AJAP1: variants seen among roughly 807,000 people sequenced by gnomAD.
The protein encoded by AJAP1 is adherens junction-associated protein 1.
A neutral mutation model predicts 35.0 loss-of-function variants in AJAP1; 5 were observed. The observed-to-expected ratio is 0.14, with a 90% confidence interval of 0.07 to 0.30. The LOEUF (loss-of-function observed/expected upper bound fraction) is 0.30. AJAP1 is among the 10% of genes least tolerant of loss of function. AJAP1 has a pLI of 1.00. For missense variants in AJAP1, 586 were observed against 571.0 expected, an observed-to-expected ratio of 1.03 and a Z score of -0.27; for synonymous variants, 284 against 249.3, an observed-to-expected ratio of 1.14 and a Z score of -1.31.
chr1:4,747,412 C>G (rs141268147), intron 2 of AJAP1, among the ~76,000 whole-genome samples: 1 of 152,194 alleles, frequency 6.6e-6, no homozygotes, highest in Admixed American at 6.5e-5. Flanking sequence ...TCTTGCAGAC[C>G]GGGTTGGCCA....
intron 5 of AJAP1, among the ~76,000 whole-genome samples, chr1:4,781,450 C>T (rs959049265): frequency 3.3e-5 from 5 of 152,188 alleles, no homozygotes; most frequent in African/African-American, 1.2e-4. Context: ...CCAACGATGA[C>T]GATGACGGAG....
chr1:4,745,159 C>T (rs1641160751), intron 2 of AJAP1, among the ~76,000 whole-genome samples: 2 of 152,192 alleles, frequency 1.3e-5, no homozygotes, highest in Admixed American at 1.3e-4. Flanking sequence ...TACTAAATAA[C>T]AATGTGCAAT....
chr1:4,712,749 G>C (rs866249572), intron 2 of AJAP1, 50 bp downstream of exon 2: 3 of 1,481,740 alleles, frequency 2.0e-6, no homozygotes, highest in Non-Finnish European at 2.7e-6. Flanking sequence ...TGAGGGCTGG[G>C]AGCGTGACTC....
intron 2 of AJAP1, among the ~76,000 whole-genome samples, chr1:4,737,457 C>CAGTGCA (rs1640954575): frequency 6.6e-6 from 1 of 151,830 alleles, no homozygotes; most frequent in African/African-American, 2.4e-5. Context: ...CAACAGGACG[C>CAGTGCA]AGTGCAAGTG....
chr1:4,739,553 T>A (rs1464942139), intron 2 of AJAP1, among the ~76,000 whole-genome samples: 1 of 152,202 alleles, frequency 6.6e-6, no homozygotes, highest in African/African-American at 2.4e-5. Flanking sequence ...GAGGCAGAGA[T>A]CAATTTGCAT....
chr1:4,741,760 A>T (rs1444387462), intron 2 of AJAP1, among the ~76,000 whole-genome samples: 2 of 152,190 alleles, frequency 1.3e-5, no homozygotes, highest in Non-Finnish European at 2.9e-5. Flanking sequence ...ACCAGGGCTC[A>T]TTGGGTAAAT....
At chr1:4,681,718 A>T (rs1354577255) in intron 1 of AJAP1, among the ~76,000 whole-genome samples, 2 of 152,126 alleles carry the variant, frequency 1.3e-5, no homozygotes, top group African/African-American at 2.4e-5. Flanking sequence ...TGCACCCTGG[A>T]TTTGTCCCCC....
Position 4,712,473 on chromosome 1 carries a change from C to T in AJAP1, c.603C>T (p.Tyr201=), listed in dbSNP as rs779289737. The T allele has an allele frequency of 1.4e-5, 22 of 1,611,258 alleles. No homozygotes were observed. The highest frequency in any genetic ancestry group is 2.7e-5 in the African/African-American group (2 of 74,886). The change falls in exon 2 of 6, where the codon TAC becomes TAT. Residue 201 remains tyrosine (Y), a synonymous_variant. Coordinates refer to ENST00000378191, the MANE Select transcript of AJAP1 (RefSeq NM_018836.4). ...AGTCCAACACATTTCCGGGCGTTTA[C>T]GGCCCCACCACGGTCTCCATCCTAC... The part of the protein sequence containing the change: ...ALESNTFPGV[Y]GPTTVSILQT...
At chr1:4,699,697 T>A (rs1415187154) in intron 1 of AJAP1, among the ~76,000 whole-genome samples, 2 of 152,094 alleles carry the variant, frequency 1.3e-5, no homozygotes, top group Admixed American at 1.3e-4. Context: ...AGAACCAACA[T>A]CTCCCTGCAG....
At chr1:4,779,340 C>CT (rs57812997) in intron 5 of AJAP1, among the ~76,000 whole-genome samples, 3,643 of 144,270 alleles carry the variant, frequency 0.025, 65 homozygotes, top group African/African-American at 0.032. Flanking sequence ...TTTTCTTTTT[C>CT]TTTTTTTTTT....
rs1640588105 is a variant in AJAP1, at chr1:4,723,994, T to A, written c.829+11295T>A. ...CAAGAGGTGTCCAAGAAAAGCCTGG[T>A]TTCCGAATTCTGTGTTTCTCCCCGA... On this transcript the variant is annotated intron_variant, in intron 2 of 5. Coordinates refer to ENST00000378191, the MANE Select transcript of AJAP1 (RefSeq NM_018836.4). The surrounding 1 kb of genome is among the most constrained non-coding windows in gnomAD (Gnocchi z 4.3). Among the ~76,000 whole-genome samples the A allele has an allele frequency of 6.6e-6, 1 of 152,098 alleles. No homozygotes were observed. The highest frequency in any genetic ancestry group is 2.1e-4 in the South Asian group (1 of 4,826).
chr1:4,681,911 C>T (rs776889708), intron 1 of AJAP1, among the ~76,000 whole-genome samples: 1 of 152,212 alleles, frequency 6.6e-6, no homozygotes, highest in Non-Finnish European at 1.5e-5. Flanking sequence ...TCTCTGGAGC[C>T]TGCCAGTTCC....
intron 2 of AJAP1, among the ~76,000 whole-genome samples, chr1:4,730,145 A>G (rs1313383343): frequency 1.3e-5 from 2 of 152,246 alleles, no homozygotes; most frequent in South Asian, 4.1e-4. Flanking sequence ...TGCACCTCGC[A>G]GATTCCACCC....
In AJAP1 at chr1:4,786,231, C is replaced by G. The variant is rs1642159800; in HGVS notation, c.*3746C>G. 1 of 152,286 alleles carries G rather than the reference C, an allele frequency of 6.6e-6. No homozygotes were observed. The highest frequency in any genetic ancestry group is 2.1e-4 in the South Asian group (1 of 4,822). The allele number at this position is 152,286 out of a possible 1,614,324, so 9.4% of individuals were successfully genotyped here. ...TCCTATTTACTGCCCTCCTTGCACA[C>G]AGAAGGGAGAGGCCACTTAGGGGAC... On this transcript the variant is annotated 3_prime_UTR_variant, in exon 6 of 6. Coordinates refer to ENST00000378191, the MANE Select transcript of AJAP1 (RefSeq NM_018836.4).
rs1194251017 is a variant in AJAP1 at position 4,791,959 on chromosome 1, A to C, written c.*9474A>C. 6.6e-6 allele frequency: 1 copy of C among 152,192 alleles called. No individual in the cohort carries two copies. Among genetic ancestry groups the C allele is most frequent in the Non-Finnish European group, 1.5e-5 (1 of 68,046 alleles). 9.4% of individuals were successfully genotyped at this position (152,192 alleles called of 1,614,324 possible). On this transcript the variant is annotated 3_prime_UTR_variant, in exon 6 of 6. Transcript: ENST00000378191. ...AGCTGAACCACAGGACAAGAAATTA[A>C]ACAGCAACGGCCACATGGCCTCTTT...
intron 2 of AJAP1, among the ~76,000 whole-genome samples, chr1:4,755,329 C>A (rs530468476): frequency 6.6e-6 from 1 of 152,304 alleles, no homozygotes; most frequent in African/African-American, 2.4e-5. Flanking sequence ...TCCCCCTCCT[C>A]TCTCACACCA....
At chr1:4,662,464 G>A (rs1639020565) in intron 1 of AJAP1, among the ~76,000 whole-genome samples, 1 of 152,218 alleles carries the variant, frequency 6.6e-6, no homozygotes, top group African/African-American at 2.4e-5. Flanking sequence ...CATCCCGTTG[G>A]CTTGCCGGTT....
chr1:4,709,418 C>CCTGGTGAGGT (rs1306705012), intron 1 of AJAP1, among the ~76,000 whole-genome samples: 1 of 151,358 alleles, frequency 6.6e-6, no homozygotes, highest in African/African-American at 2.4e-5. Context: ...CCTGGTGAGG[C>CCTGGTGAGGT]CTGGTGAGGT....
intron 2 of AJAP1, among the ~76,000 whole-genome samples, chr1:4,713,166 G>A (rs565330058): frequency 4.3e-4 from 65 of 152,214 alleles, no homozygotes; most frequent in Non-Finnish European, 5.4e-4. Context: ...ATGGACGGGG[G>A]CATGGACGGG....
Sources: gnomAD v4.1 joint callset for allele counts (sites outside exome capture counted in the v4.1 genomes callset) on GRCh38, gnomAD v4.1.1 for gene constraint, Gnocchi (gnomAD v3.1) non-coding constraint, MANE v1.5 for transcripts, NCBI Gene and HGNC (gene_info 2026-07-23, HGNC 2026-07-21) for gene names.